Variants in IFT172 observed in about 807,000 individuals in gnomAD.
IFT172 encodes the protein intraflagellar transport 172.
IFT172 carries 164 observed loss-of-function variants against 248.9 expected under a neutral mutation model. That is an observed-to-expected ratio of 0.66 (90% CI 0.58 to 0.75). The LOEUF is 0.75. Among genes scored for constraint, IFT172 ranks in the 30% least tolerant of loss-of-function variants. IFT172 has a pLI of 0.00. For synonymous variants in IFT172, 729 were observed against 791.6 expected, an observed-to-expected ratio of 0.92 and a Z score of 1.33; for missense variants, 1,950 against 2,192.4, an observed-to-expected ratio of 0.89 and a Z score of 2.21.
intron 3 of IFT172, among the ~76,000 whole-genome samples, chr2:27,484,613 C>T (rs758101001): frequency 1.6e-4 from 24 of 151,926 alleles, no homozygotes; most frequent in Non-Finnish European, 4.4e-5. Context: ...TAAATAAATA[C>T]CACTTCCATA....
At chr2:27,453,777 G>A in intron 33 of IFT172, 38 bp from the exon 34 acceptor site, 1 of 1,574,708 alleles carries the variant, frequency 6.4e-7, no homozygotes, top group East Asian at 2.2e-5. Context: ...GCAGAGGCAG[G>A]CCTGACAGCT....
intron 40 of IFT172, among the ~76,000 whole-genome samples, chr2:27,448,348 C>G (rs905550437): frequency 6.6e-6 from 1 of 152,248 alleles, no homozygotes; most frequent in African/African-American, 2.4e-5. Flanking sequence ...ATCCGCCTGC[C>G]TCGGCCTCCC....
At chr2:27,457,192 G>A (rs180916128) in intron 29 of IFT172, among the ~76,000 whole-genome samples, 5 of 152,342 alleles carry the variant, frequency 3.3e-5, no homozygotes, top group Admixed American at 6.5e-5. Flanking sequence ...GTATACAGAT[G>A]TGGACATGGT....
rs1665947071 is a variant in IFT172, at chr2:27,454,053, TCTC to T, written c.3637_3639del (p.Glu1213del). On this transcript the variant is annotated inframe_deletion, in exon 33 of 48. Transcript: ENST00000260570. This position sits in a 1 kb window ranked among gnomAD's most constrained non-coding sequence, Gnocchi z 4.2. ...AGCCCTTCTGCTTTCTGAAAGTCCT[TCTC>T]CTCCAAGGCCCCCCGGGCCTGTCCC... is the stretch of plus-strand genomic sequence containing the variant. 6.2e-7 allele frequency: 1 copy of T among 1,613,900 alleles called. No individual in the cohort carries two copies. Among genetic ancestry groups the T allele is most frequent in the Non-Finnish European group, 8.5e-7 (1 of 1,179,982 alleles).
At position 27,447,508 on chromosome 2, in the gene IFT172, A is replaced by C. The variant is rs1665251403; in HGVS notation, c.4659+7T>G. On this transcript the variant is annotated splice_region_variant and intron_variant, in intron 42 of 47. Coordinates refer to ENST00000260570, the MANE Select transcript of IFT172 (RefSeq NM_015662.3). ...ACTGAGTGTTCCTTCGACCCCCTAC[A>C]TCTCACCAGCTGTTTGACACTCTGG... is the stretch of plus-strand genomic sequence containing the variant. The C allele has an allele frequency of 1.2e-6, 2 of 1,613,778 alleles. No homozygotes were observed. The highest frequency in any genetic ancestry group is 1.7e-6 in the Non-Finnish European group (2 of 1,179,836).
At chr2:27,477,926 T>A in intron 11 of IFT172, 69 bp downstream of exon 11, 1 of 1,583,000 alleles carries the variant, frequency 6.3e-7, no homozygotes, top group Non-Finnish European at 8.6e-7. Flanking sequence ...CCCCTAGGGA[T>A]TTTGGGTCCC....
At chr2:27,470,896 C>T in intron 16 of IFT172, 32 bp downstream of exon 16, 3 of 1,543,362 alleles carry the variant, frequency 1.9e-6, no homozygotes, top group Non-Finnish European at 2.6e-6. Flanking sequence ...CAGCTCAATA[C>T]CACATCTGAG....
In IFT172 at chr2:27,461,298, C is replaced by A. The variant is rs1387032631; in HGVS notation, c.2413G>T (p.Ala805Ser). 4 of 1,614,040 alleles carry A rather than the reference C, an allele frequency of 2.5e-6. No individual in the cohort carries two copies. In the Admixed American group the frequency reaches 5.0e-5, roughly 20 times the overall value. ...TCGTAGAGTTCCCCCTTGATAAGGGCTGCAGTGATGTGTTCTACCAGCTCT... is the reference window on the plus strand; with the variant it reads ...TCGTAGAGTTCCCCCTTGATAAGGGATGCAGTGATGTGTTCTACCAGCTCT... The part of the protein sequence containing the change: ...NTELVEHITA[A>S]LIKGELYERA... The change falls in exon 22 of 48, where the codon GCC becomes TCC. Residue 805 changes from alanine (A) to serine (S), a missense_variant. Transcript: ENST00000260570.
rs1668663839 is a variant in IFT172 at position 27,485,132 on chromosome 2, TAA to T, written c.184-4_184-3del. 2.6e-6 allele frequency: 4 copies of T among 1,546,366 alleles called. No individual in the cohort carries two copies. In the East Asian group the frequency reaches 6.7e-5, roughly 26 times the overall value. On this transcript the variant is annotated splice_region_variant and splice_polypyrimidine_tract_variant and intron_variant, in intron 2 of 47. Transcript: ENST00000260570. ...CACCATATAGCTCTTCCTGCCATAC[TAA>T]GAGTTTAAAAAAAAAAAAAGAAAGA...
At position 27,449,363 on chromosome 2, in the gene IFT172, C is replaced by G; in HGVS notation, c.4242G>C (p.Val1414=). The change falls in exon 39 of 48, where the codon GTG becomes GTC. Residue 1414 remains valine (V), a synonymous_variant. Coordinates refer to ENST00000260570, the MANE Select transcript of IFT172 (RefSeq NM_015662.3). Reference sequence around the variant, plus strand: ...CCACATACAGGTCCAAAGCAGCTATCACATCCACACCCACCAGCTGGGTCA... The same window carrying G: ...CCACATACAGGTCCAAAGCAGCTATGACATCCACACCCACCAGCTGGGTCA... ...GKVDSLVGVD[V]IAALDLYVEQ... 2 of 1,614,148 alleles carry G rather than the reference C, an allele frequency of 1.2e-6. No individual in the cohort carries two copies. The highest frequency in any genetic ancestry group is 2.2e-5 in the South Asian group (2 of 91,084).
intron 14 of IFT172, among the ~76,000 whole-genome samples, chr2:27,474,626 A>C (rs953825593): frequency 2.0e-5 from 3 of 152,114 alleles, no homozygotes; most frequent in Admixed American, 6.5e-5. Context: ...ATCTCAGCTC[A>C]CTGCAACCTC....
chr2:27,457,563 A>T, intron 29 of IFT172, 76 bp downstream of exon 29: 1 of 1,273,518 alleles, frequency 7.9e-7, no homozygotes, highest in Non-Finnish European at 1.1e-6. Context: ...TGACAGAGTG[A>T]GACCCTTTCT....
intron 42 of IFT172, 75 bp from the exon 43 acceptor site, chr2:27,446,430 A>C (rs1373827932): frequency 9.3e-6 from 12 of 1,294,100 alleles, no homozygotes; most frequent in Admixed American, 7.2e-5. Context: ...CCTGTAAGGC[A>C]GCCACAGAAC....
At position 27,462,801 on chromosome 2, in the gene IFT172, G is replaced by A; in HGVS notation, c.2023-8C>T. On this transcript the variant is annotated splice_polypyrimidine_tract_variant and splice_region_variant and intron_variant, in intron 19 of 47. Coordinates refer to ENST00000260570, the MANE Select transcript of IFT172 (RefSeq NM_015662.3). Reference sequence around the variant, plus strand: ...GTCTGTTCCTTCTCCGCCCTGTGGGGGAAAAAGGAGGTTCTGATTTTTCTG... The same window carrying A: ...GTCTGTTCCTTCTCCGCCCTGTGGGAGAAAAAGGAGGTTCTGATTTTTCTG... The A allele has an allele frequency of 1.2e-6, 2 of 1,613,488 alleles. No individual in the cohort carries two copies. The highest frequency in any genetic ancestry group is 1.7e-6 in the Non-Finnish European group (2 of 1,179,570).
At chr2:27,460,968 G>A in intron 23 of IFT172, 47 bp downstream of exon 23, 4 of 1,611,624 alleles carry the variant, frequency 2.5e-6, no homozygotes, top group Non-Finnish European at 3.4e-6. Context: ...GGAACCAGAT[G>A]GGCAAGAGTC....
At chr2:27,486,030 T>G (rs561552663) in intron 1 of IFT172, 1 of 166,768 alleles carries the variant, frequency 6.0e-6, no homozygotes, top group African/African-American at 2.4e-5. Flanking sequence ...TATGCTTAAA[T>G]TATCAAAATT....
At position 27,461,906 on chromosome 2, in the gene IFT172, T is replaced by A. The variant is rs530207065; in HGVS notation, c.2116-70A>T. 3.2e-6 allele frequency: 5 copies of A among 1,565,712 alleles called. No individual in the cohort carries two copies. In the African/African-American group the frequency reaches 6.7e-5, roughly 21 times the overall value. ...AGGATCAGAAAGCAGCAAGCTCTCC[T>A]CAGCCTGGCTAAGATGCCAGCCCAT... On this transcript the variant is annotated intron_variant, in intron 20 of 47. Coordinates refer to ENST00000260570, the MANE Select transcript of IFT172 (RefSeq NM_015662.3).
rs934890762 is a variant in IFT172, at chr2:27,448,911, G to A, written c.4428+4C>T. ...AACATTCAACCCAAGGAGAAGGCTG[G>A]TACCTGTGGGTTAGCAGGGGCTCCG... On this transcript the variant is annotated splice_donor_region_variant and intron_variant, in intron 40 of 47. Transcript: ENST00000260570. 7.2e-6 allele frequency: 10 copies of A among 1,393,474 alleles called. No homozygotes were observed. The highest frequency in any genetic ancestry group is 1.0e-5 in the Non-Finnish European group (10 of 978,118). The allele number at this position is 1,393,474 out of a possible 1,614,324, so 86.3% of individuals were successfully genotyped here.
rs1304008993 is a variant in IFT172, at chr2:27,454,377, A to C, written c.3507T>G (p.Gly1169=). 6.2e-7 allele frequency: 1 copy of C among 1,614,210 alleles called. No homozygotes were observed. Among genetic ancestry groups the C allele is most frequent in the South Asian group, 1.1e-5 (1 of 91,086 alleles). Reference sequence around the variant, plus strand: ...ACATGAGGACTGCCTCCTTGGGTTTACCAGCTCTGATGAATTCAGCTTCAG... The same window carrying C: ...ACATGAGGACTGCCTCCTTGGGTTTCCCAGCTCTGATGAATTCAGCTTCAG... ...EEAEAEFIRA[G]KPKEAVLMFV... Residue 1169 remains glycine, a synonymous_variant, in exon 32 of 48, where the codon GGT becomes GGG. Transcript: ENST00000260570. The surrounding 1 kb of genome is among the most constrained non-coding windows in gnomAD (Gnocchi z 4.2).
Sources: gnomAD v4.1 joint callset for allele counts (sites outside exome capture counted in the v4.1 genomes callset) on GRCh38, gnomAD v4.1.1 for gene constraint, Gnocchi (gnomAD v3.1) non-coding constraint, MANE v1.5 for transcripts, NCBI Gene and HGNC (gene_info 2026-07-23, HGNC 2026-07-21) for gene names.